Variants in CFAP44 observed in about 807,000 individuals in gnomAD.
CFAP44 encodes the protein cilia- and flagella-associated protein 44.
A neutral mutation model predicts 216.2 loss-of-function variants in CFAP44; 134 were observed. The ratio of observed to expected loss-of-function variants is 0.62; its 90% CI spans 0.54 to 0.72. The LOEUF (loss-of-function observed/expected upper bound fraction) is 0.72. Ranked by LOEUF, CFAP44 falls within the 30% of genes least tolerant of loss-of-function variation. The pLI is 0.00. For synonymous variants in CFAP44, 700 were observed against 727.6 expected (o/e 0.96, Z 0.61); for missense variants, 2,035 against 2,182.1 (o/e 0.93, Z 1.34).
rs1331546112 is a variant in CFAP44 at position 113,289,609 on chromosome 3, AGCTCCCACGAAG to A, written c.*1936_*1947del. 6.6e-6 allele frequency: 1 copy of A among 152,226 alleles called. No individual in the cohort carries two copies. The highest frequency in any genetic ancestry group is 1.9e-4 in the East Asian group (1 of 5,188). The allele number at this position is 152,226 out of a possible 1,614,324, so 9.4% of individuals were successfully genotyped here. A position where few individuals can be genotyped will look rare whatever the true frequency, so the allele number is the denominator to read the frequency against. ...CAGGCAGCTGCTTCTTGTGGCTGCC[AGCTCCCACGAAG>A]GCCCCGGTGACCCCCACCTGGCATT... On this transcript the variant is annotated 3_prime_UTR_variant, in exon 35 of 35. Coordinates refer to ENST00000393845, the MANE Select transcript of CFAP44 (RefSeq NM_001164496.2).
chr3:113,334,857 T>G (rs902489718), intron 24 of CFAP44, among the ~76,000 whole-genome samples: 3 of 152,200 alleles, frequency 2.0e-5, no homozygotes, highest in Admixed American at 6.5e-5. Flanking sequence ...TAAAAGGCCC[T>G]TCATTGGGAG....
At chr3:113,384,151 T>C (rs1025402485) in intron 15 of CFAP44, among the ~76,000 whole-genome samples, 1 of 151,972 alleles carries the variant, frequency 6.6e-6, no homozygotes. Flanking sequence ...CTCTGACTCA[T>C]GGGTTTACAC....
Position 113,409,287 on chromosome 3 carries a change from T to TA in CFAP44, c.708dup (p.Asn237Ter). The stretch of plus-strand genomic sequence containing the variant: ...GAGGCCAGCAAGTTACCGCTGTAGT[T>TA]AAAGTCCACATAAGCATATCCCTTC... On this transcript the variant is annotated frameshift_variant, in exon 7 of 35. Transcript: ENST00000393845. LOFTEE classifies it high-confidence loss of function. The TA allele has an allele frequency of 3.1e-6, 5 of 1,614,180 alleles. No individual in the cohort carries two copies. Among genetic ancestry groups the TA allele is most frequent in the Non-Finnish European group, 4.2e-6 (5 of 1,180,038 alleles).
Position 113,426,221 on chromosome 3 carries a change from T to C in CFAP44, c.310A>G (p.Lys104Glu). The C allele has an allele frequency of 6.2e-7, 1 of 1,614,192 alleles. No homozygotes were observed. Among genetic ancestry groups the C allele is most frequent in the Non-Finnish European group, 8.5e-7 (1 of 1,179,994 alleles). The change falls in exon 4 of 35, where the codon AAA (lysine) becomes GAA (glutamate). Residue 104 changes from lysine to glutamate, a missense_variant. Transcript: ENST00000393845. The part of the protein sequence containing the change: ...VEEAEEEVKK[K>E]ISESFFYDYM... Reference sequence around the variant, plus strand: ...TCATAGAAGAAGCTCTCTGATATTTTCTTCTTAACTTCCTCCTCTGCTTCT... The same window carrying C: ...TCATAGAAGAAGCTCTCTGATATTTCCTTCTTAACTTCCTCCTCTGCTTCT...
chr3:113,306,975 A>G (rs986536832), intron 29 of CFAP44, among the ~76,000 whole-genome samples: 3 of 152,216 alleles, frequency 2.0e-5, no homozygotes, highest in African/African-American at 7.2e-5. Flanking sequence ...CAAGATAAAA[A>G]CTTTATCTGA....
intron 22 of CFAP44, among the ~76,000 whole-genome samples, chr3:113,356,531 AAC>A (rs1950493814): frequency 2.0e-5 from 3 of 152,184 alleles, no homozygotes; most frequent in Admixed American, 2.0e-4. Context: ...AGAGTTCAGA[AAC>A]AGACCCACAC....
intron 28 of CFAP44, among the ~76,000 whole-genome samples, chr3:113,315,416 C>T (rs1950077126): frequency 6.6e-6 from 1 of 151,948 alleles, no homozygotes; most frequent in African/African-American, 2.4e-5. Context: ...AACAACAGAG[C>T]TGTAAAATAT....
intron 28 of CFAP44, among the ~76,000 whole-genome samples, chr3:113,312,522 G>A (rs932458698): frequency 2.0e-5 from 3 of 152,160 alleles, no homozygotes; most frequent in African/African-American, 7.2e-5. Flanking sequence ...GTAAATTGAG[G>A]AATGTTAATT....
intron 25 of CFAP44, 79 bp downstream of exon 25, chr3:113,333,327 G>A (rs753641339): frequency 3.3e-6 from 4 of 1,215,398 alleles, no homozygotes; most frequent in Non-Finnish European, 4.5e-6. Flanking sequence ...GACCAGATAG[G>A]GAAATGAGTG....
intron 18 of CFAP44, among the ~76,000 whole-genome samples, chr3:113,367,807 T>A (rs149405770): frequency 0.11 from 17,273 of 152,140 alleles, 1,071 homozygotes; most frequent in Non-Finnish European, 0.15. Context: ...AAGGAGCATG[T>A]TCTAACCCAT....
At chr3:113,441,417 G>A (rs138366746) in intron 1 of CFAP44, 36 bp downstream of exon 1, 1 of 985,916 alleles carries the variant, frequency 1.0e-6, no homozygotes, top group South Asian at 4.7e-5. Flanking sequence ...AAGGGGGAGG[G>A]TGTGGAAACT....
At chr3:113,333,067 A>C (rs1397511296) in intron 25 of CFAP44, among the ~76,000 whole-genome samples, 1 of 152,162 alleles carries the variant, frequency 6.6e-6, no homozygotes, top group Non-Finnish European at 1.5e-5. Context: ...CATTCATCAG[A>C]GAGTCAAACT....
intron 1 of CFAP44, among the ~76,000 whole-genome samples, chr3:113,439,371 C>G (rs1186556778): frequency 6.6e-6 from 1 of 152,176 alleles, no homozygotes; most frequent in East Asian, 1.9e-4. Context: ...CAAAAGCCAT[C>G]ACAACCTTAC....
chr3:113,371,301 G>A (rs1398663204), intron 18 of CFAP44, among the ~76,000 whole-genome samples: 1 of 152,146 alleles, frequency 6.6e-6, no homozygotes, highest in East Asian at 1.9e-4. Flanking sequence ...AACAAAGCTG[G>A]AGGCATCACA....
Position 113,291,624 on chromosome 3 carries a change from T to C in CFAP44, c.5498A>G (p.Lys1833Arg). Reference sequence around the variant, plus strand: ...AATGGGTGGGAGGATAAGACTGCCTTTCCTACGCAAAAGAGCAATCTCCTC... The same window carrying C: ...AATGGGTGGGAGGATAAGACTGCCTCTCCTACGCAAAAGAGCAATCTCCTC... ...LKEEIALLRR[K>R]GSLILPPIQS... is the part of the protein sequence containing the mutation. Residue 1833 changes from lysine (K) to arginine (R), a missense_variant, in exon 35 of 35, where the codon AAA becomes AGA. Lys to Arg is a conservative substitution (Grantham distance 26). Around this residue, in one of 3 missense-constraint regions of CFAP44, gnomAD observed 1,883 missense variants for 2,023.7 expected, o/e 0.93. Coordinates refer to ENST00000393845, the MANE Select transcript of CFAP44 (RefSeq NM_001164496.2). 6.5e-7 allele frequency: 1 copy of C among 1,537,280 alleles called. No individual in the cohort carries two copies. Among genetic ancestry groups the C allele is most frequent in the Non-Finnish European group, 8.7e-7 (1 of 1,146,918 alleles).
intron 15 of CFAP44, among the ~76,000 whole-genome samples, chr3:113,393,308 C>A (rs1933896078): frequency 6.6e-6 from 1 of 152,164 alleles, no homozygotes; most frequent in African/African-American, 2.4e-5. Context: ...GTGTTTTGGT[C>A]TTGTACGTTA....
chr3:113,441,337 G>A, intron 1 of CFAP44, 116 bp downstream of exon 1: 1 of 962,296 alleles, frequency 1.0e-6, no homozygotes, highest in South Asian at 4.8e-5. Flanking sequence ...CAGGGAGGAC[G>A]AAGGCTATAA....
intron 24 of CFAP44, 85 bp from the exon 25 acceptor site, chr3:113,333,668 A>T: frequency 7.7e-7 from 1 of 1,305,894 alleles, no homozygotes. Flanking sequence ...ATATATTCAA[A>T]TTTAATCATG....
In CFAP44 at chr3:113,379,513, C is replaced by T. The variant is rs550212462; in HGVS notation, c.2091G>A (p.Glu697=). Residue 697 remains glutamate (E), a synonymous_variant, in exon 17 of 35, where the codon GAG becomes GAA. Coordinates refer to ENST00000393845, the MANE Select transcript of CFAP44 (RefSeq NM_001164496.2). The stretch of plus-strand genomic sequence containing the variant: ...TTTCTTCCCTTATTTTCTCCTTCAA[C>T]TCCCTTTGTCTCTCCCTCTTTTCAA... The part of the protein sequence containing the change: ...IEIEKRERQR[E]LKEKIREERR... The T allele has an allele frequency of 3.0e-5, 48 of 1,599,216 alleles. No individual in the cohort carries two copies. In the South Asian group the frequency reaches 5.2e-4, roughly 17 times the overall value.
Sources: gnomAD v4.1 joint callset for allele counts (sites outside exome capture counted in the v4.1 genomes callset) on GRCh38, gnomAD v4.1.1 for gene constraint, gnomAD v4.1.1 regional missense constraint, MANE v1.5 for transcripts, NCBI Gene and HGNC (gene_info 2026-07-23, HGNC 2026-07-21) for gene names.